The following GRIK2 variants were observed in gnomAD, a reference collection of about 807,000 sequenced individuals.
The protein encoded by GRIK2 is glutamate ionotropic receptor kainate type subunit 2, also known as glutamate receptor ionotropic, kainate 2.
GRIK2 carries 32 observed loss-of-function variants against 100.3 expected under a neutral mutation model. That is an observed-to-expected ratio of 0.32 (90% CI 0.24 to 0.43). The LOEUF (loss-of-function observed/expected upper bound fraction) is 0.43, where lower values mean the gene tolerates loss of function less well. Among genes scored for constraint, GRIK2 ranks in the 20% least tolerant of loss-of-function variants. GRIK2 has a pLI of 1.00. For synonymous variants in GRIK2, 417 were observed against 389.4 expected, an observed-to-expected ratio of 1.07 and a Z score of -0.83; for missense variants, 843 against 1,114.9, an observed-to-expected ratio of 0.76 and a Z score of 3.47.
intron 2 of GRIK2, among the ~76,000 whole-genome samples, chr6:101,573,314 G>T (rs117261138): frequency 2.0e-5 from 3 of 152,232 alleles, no homozygotes; most frequent in Non-Finnish European, 2.9e-5. Context: ...CATGCTTGGG[G>T]TTGGTTAGAC....
chr6:101,765,306 C>G (rs1777980134), intron 7 of GRIK2, among the ~76,000 whole-genome samples: 1 of 152,102 alleles, frequency 6.6e-6, no homozygotes, highest in South Asian at 2.1e-4. Context: ...ATATATCTTG[C>G]TTATGTTTAT....
chr6:101,437,740 G>A (rs1351122787), intron 2 of GRIK2, among the ~76,000 whole-genome samples: 1 of 151,990 alleles, frequency 6.6e-6, no homozygotes, highest in Non-Finnish European at 1.5e-5. Context: ...TCATTCCTCT[G>A]AGCTTCAGAT....
At chr6:101,925,618 A>T (rs1378242233) in intron 13 of GRIK2, among the ~76,000 whole-genome samples, 1 of 152,020 alleles carries the variant, frequency 6.6e-6, no homozygotes, top group Non-Finnish European at 1.5e-5. Flanking sequence ...AAAGCAAAAA[A>T]ATCCCAAATT....
Position 101,974,857 on chromosome 6 carries a change from TAATC to T in GRIK2, c.2085+46232_2085+46235del, listed in dbSNP as rs199505056. Among the ~76,000 whole-genome samples, 1,199 of 152,052 alleles carry T rather than the reference TAATC, an allele frequency of 7.9e-3. 17 individuals carry two copies. The highest frequency in any genetic ancestry group is 0.028 in the African/African-American group (1,145 of 41,500). On this transcript the variant is annotated intron_variant, in intron 14 of 16. Coordinates refer to ENST00000369134, the MANE Select transcript of GRIK2 (RefSeq NM_021956.5). ...TATAAGGGGGCATATATAAAACAGT[TAATC>T]AATCAAACTGGGAAGCTCAAGATAG... is the stretch of plus-strand genomic sequence containing the variant.
chr6:101,590,723 C>T (rs1026261846), intron 2 of GRIK2, among the ~76,000 whole-genome samples: 6 of 152,052 alleles, frequency 3.9e-5, no homozygotes, highest in Admixed American at 2.6e-4. Flanking sequence ...GGAGAGCTTA[C>T]AATTTGGCCC....
At chr6:101,905,861 T>C (rs1788183723) in intron 12 of GRIK2, among the ~76,000 whole-genome samples, 1 of 151,492 alleles carries the variant, frequency 6.6e-6, no homozygotes, top group Non-Finnish European at 1.5e-5. Flanking sequence ...AAATAAAAAA[T>C]GGAATTTTTA....
At chr6:101,765,764 T>G (rs1013240816) in intron 7 of GRIK2, among the ~76,000 whole-genome samples, 1 of 152,154 alleles carries the variant, frequency 6.6e-6, no homozygotes, top group African/African-American at 2.4e-5. Flanking sequence ...AAAGTCTGTA[T>G]AAATGGAAGG....
intron 2 of GRIK2, among the ~76,000 whole-genome samples, chr6:101,489,291 GA>G (rs1348992433): frequency 1.4e-5 from 2 of 146,038 alleles, no homozygotes; most frequent in Non-Finnish European, 3.0e-5. Flanking sequence ...AGAGAAACTT[GA>G]AAAGTGGAAA....
At chr6:101,451,066 A>G (rs1395436649) in intron 2 of GRIK2, among the ~76,000 whole-genome samples, 1 of 151,642 alleles carries the variant, frequency 6.6e-6, no homozygotes, top group Non-Finnish European at 1.5e-5. Context: ...CTTCAGCCAG[A>G]TCCCTTTACT....
chr6:101,819,682 C>T (rs970412659), intron 10 of GRIK2, among the ~76,000 whole-genome samples: 4 of 152,194 alleles, frequency 2.6e-5, no homozygotes, highest in African/African-American at 9.6e-5. Flanking sequence ...CATCCTCTTT[C>T]TGATCTACAT....
chr6:101,835,694 A>C (rs1462197848), intron 10 of GRIK2, among the ~76,000 whole-genome samples: 1 of 147,462 alleles, frequency 6.8e-6, no homozygotes, highest in African/African-American at 2.5e-5. Flanking sequence ...CAAACTCCTG[A>C]TCTCAGGTGA....
chr6:101,730,977 T>C (rs9322605), intron 7 of GRIK2, among the ~76,000 whole-genome samples: 18,712 of 151,926 alleles, frequency 0.12, 1,361 homozygotes, highest in South Asian at 0.21. Context: ...GTCGTCAAAG[T>C]GATATCAAAT....
chr6:101,465,323 A>G (rs1280255108), intron 2 of GRIK2, among the ~76,000 whole-genome samples: 3 of 152,084 alleles, frequency 2.0e-5, no homozygotes, highest in Admixed American at 6.6e-5. Flanking sequence ...CTTGATGTCC[A>G]TGTATATATA....
At chr6:101,790,113 C>A (rs1013174168) in intron 7 of GRIK2, among the ~76,000 whole-genome samples, 4 of 152,170 alleles carry the variant, frequency 2.6e-5, no homozygotes, top group African/African-American at 9.7e-5. Flanking sequence ...CGGGCTGAGA[C>A]AATGGGGTTT....
At chr6:101,639,123 C>T (rs1781163037) in intron 4 of GRIK2, among the ~76,000 whole-genome samples, 1 of 152,112 alleles carries the variant, frequency 6.6e-6, no homozygotes, top group South Asian at 2.1e-4. Flanking sequence ...CACTGCAACC[C>T]CCACCTTCCG....
chr6:102,060,778 A>T (rs1211752799), intron 16 of GRIK2, among the ~76,000 whole-genome samples: 1 of 150,648 alleles, frequency 6.6e-6, no homozygotes, highest in Non-Finnish European at 1.5e-5. Context: ...TTTCTAAGTA[A>T]ATTTTCAGTG....
At chr6:101,434,406 G>T (rs1175459193) in intron 2 of GRIK2, among the ~76,000 whole-genome samples, 1 of 152,020 alleles carries the variant, frequency 6.6e-6, no homozygotes, top group Non-Finnish European at 1.5e-5. Context: ...GCAAAGTCTT[G>T]GTCCAAACTT....
chr6:101,975,809 G>GTCTGTCTATCTA (rs141650149), intron 14 of GRIK2, among the ~76,000 whole-genome samples: 7,057 of 147,456 alleles, frequency 0.048, 211 homozygotes, highest in African/African-American at 0.081. Context: ...CTATCTATCT[G>GTCTGTCTATCTA]TCTATCTATC....
chr6:101,689,744 A>T (rs935469582), intron 7 of GRIK2, among the ~76,000 whole-genome samples: 5 of 152,092 alleles, frequency 3.3e-5, no homozygotes, highest in African/African-American at 9.7e-5. Context: ...TTAACATATG[A>T]TATCCCACTT....
Sources: gnomAD v4.1 joint callset for allele counts (sites outside exome capture counted in the v4.1 genomes callset) on GRCh38, gnomAD v4.1.1 for gene constraint, MANE v1.5 for transcripts, NCBI Gene and HGNC (gene_info 2026-07-23, HGNC 2026-07-21) for gene names.